The following VWA3B variants were observed in gnomAD, a reference collection of about 807,000 sequenced individuals.
VWA3B encodes the protein von Willebrand factor A domain containing 3B.
Under a neutral mutation model 158.3 loss-of-function variants are expected in VWA3B, and 138 were observed. The ratio of observed to expected loss-of-function variants is 0.87; its 90% CI spans 0.76 to 1.00. The LOEUF (loss-of-function observed/expected upper bound fraction) is 1.00. VWA3B is among the 50% of genes least tolerant of loss of function. VWA3B has a pLI of 0.00. For missense variants in VWA3B, 1,555 were observed against 1,565.1 expected (o/e 0.99, Z 0.11); for synonymous variants, 596 against 587.3 (o/e 1.01, Z -0.21).
chr2:98,165,496 C>T (rs1044176934), intron 8 of VWA3B, among the ~76,000 whole-genome samples: 3 of 152,118 alleles, frequency 2.0e-5, no homozygotes, highest in African/African-American at 7.2e-5. Flanking sequence ...AATTTTGGAA[C>T]CACTGCCAGG....
chr2:98,122,309 A>G (rs1385393831), intron 5 of VWA3B, among the ~76,000 whole-genome samples: 2 of 152,190 alleles, frequency 1.3e-5, no homozygotes, highest in Non-Finnish European at 2.9e-5. Flanking sequence ...CCACTCTGGA[A>G]GTCTGGGGTT....
chr2:98,183,758 G>T (rs992555925), intron 9 of VWA3B, among the ~76,000 whole-genome samples: 7 of 152,182 alleles, frequency 4.6e-5, no homozygotes, highest in African/African-American at 1.7e-4. Context: ...TATAAATGCT[G>T]CTTCTAGTAG....
intron 20 of VWA3B, among the ~76,000 whole-genome samples, chr2:98,255,461 CT>C (rs1687075269): frequency 6.6e-6 from 1 of 151,870 alleles, no homozygotes; most frequent in South Asian, 2.1e-4. Context: ...GCTGGGAACT[CT>C]GAAGAAGCAA....
intron 21 of VWA3B, among the ~76,000 whole-genome samples, chr2:98,264,368 C>T (rs1460211330): frequency 6.6e-6 from 1 of 152,036 alleles, no homozygotes; most frequent in African/African-American, 2.4e-5. Context: ...CTATAAACTT[C>T]CTTCTCAGTA....
chr2:98,299,948 G>GA (rs1266402508), intron 24 of VWA3B, 131 bp from the exon 25 acceptor site: 84 of 1,256,714 alleles, frequency 6.7e-5, no homozygotes, highest in Admixed American at 2.7e-4. Context: ...TCTTAACTGA[G>GA]AAAAAAAATA....
rs748046564 is a variant in VWA3B, at chr2:98,230,163, G to C, written c.2264G>C (p.Gly755Ala). Residue 755 changes from glycine to alanine, a missense_variant, in exon 16 of 28, where the codon GGC becomes GCC. Coordinates refer to ENST00000477737, the MANE Select transcript of VWA3B (RefSeq NM_144992.5). ...SSLNMLKGPW[G>A]LSDQKVQKKK... ...CTGAATATGTTGAAGGGACCATGGG[G>C]CCTTTCAGATCAAAAGGTTCAGAAA... 1.8e-5 allele frequency: 28 copies of C among 1,599,906 alleles called. No individual in the cohort carries two copies. Among genetic ancestry groups the C allele is most frequent in the Non-Finnish European group, 2.4e-5 (28 of 1,176,322 alleles).
intron 22 of VWA3B, among the ~76,000 whole-genome samples, chr2:98,278,999 G>A (rs966273887): frequency 2.4e-4 from 37 of 152,198 alleles, no homozygotes; most frequent in African/African-American, 8.2e-4. Context: ...CAGCACTGCA[G>A]TGATGGTTTA....
At position 98,303,421 on chromosome 2, in the gene VWA3B, G is replaced by GGTGTGTGT. The variant is rs58157632; in HGVS notation, c.3421-252_3421-245dup. Among the ~76,000 whole-genome samples the GGTGTGTGT allele has an allele frequency of 5.5e-3, 800 of 146,648 alleles. 7 individuals are homozygous for GGTGTGTGT. The highest frequency in any genetic ancestry group is 0.013 in the African/African-American group (518 of 39,558). ...ATAGAAAGGAAGGTGGTTATGTGAA[G>GGTGTGTGT]GTGTGTGTGTGTGTGTGTGTGTGTG... On this transcript the variant is annotated intron_variant, in intron 25 of 27. Coordinates refer to ENST00000477737, the MANE Select transcript of VWA3B (RefSeq NM_144992.5).
At chr2:98,147,730 T>C (rs1677280228) in intron 7 of VWA3B, among the ~76,000 whole-genome samples, 1 of 152,170 alleles carries the variant, frequency 6.6e-6, no homozygotes, top group Non-Finnish European at 1.5e-5. Flanking sequence ...CTTTAAGTTC[T>C]AGGGTACATG....
chr2:98,119,344 T>G (rs1366771056), intron 3 of VWA3B, among the ~76,000 whole-genome samples, 169 bp from the exon 4 acceptor site: 1 of 152,064 alleles, frequency 6.6e-6, no homozygotes, highest in African/African-American at 2.4e-5. Context: ...CTGTGGAGAA[T>G]CCAAGCGTTT....
intron 19 of VWA3B, among the ~76,000 whole-genome samples, chr2:98,242,074 C>T (rs1686106786): frequency 6.6e-6 from 1 of 152,188 alleles, no homozygotes; most frequent in South Asian, 2.1e-4. Flanking sequence ...AAAGGAAACA[C>T]ACTAGAGTCT....
intron 2 of VWA3B, among the ~76,000 whole-genome samples, chr2:98,105,978 C>CA (rs1673616393): frequency 6.6e-6 from 1 of 151,920 alleles, no homozygotes. Context: ...TGCAGTGGTG[C>CA]AATTTCAGCT....
At chr2:98,238,782 A>T (rs1483892019) in intron 19 of VWA3B, among the ~76,000 whole-genome samples, 1 of 152,222 alleles carries the variant, frequency 6.6e-6, no homozygotes, top group Non-Finnish European at 1.5e-5. Context: ...TGTGTGTATC[A>T]GTATAAAGCA....
chr2:98,304,671 T>C (rs1196689385), intron 26 of VWA3B, among the ~76,000 whole-genome samples: 1 of 152,088 alleles, frequency 6.6e-6, no homozygotes, highest in Admixed American at 6.5e-5. Context: ...GGCTGATCTG[T>C]CCATTGGGCT....
chr2:98,140,880 G>C (rs922728193), intron 7 of VWA3B, among the ~76,000 whole-genome samples: 2 of 152,172 alleles, frequency 1.3e-5, no homozygotes. Context: ...CCCTTTCCAA[G>C]ACTGGGCAGC....
At chr2:98,162,269 C>T (rs1678673970) in intron 7 of VWA3B, among the ~76,000 whole-genome samples, 1 of 150,522 alleles carries the variant, frequency 6.6e-6, no homozygotes, top group South Asian at 2.1e-4. Context: ...GCATGAACTT[C>T]GATTGATTGA....
Position 98,258,082 on chromosome 2 carries a change from C to G in VWA3B, c.2843+1908C>G, listed in dbSNP as rs78779419. Among the ~76,000 whole-genome samples, 61 of 151,886 alleles carry G rather than the reference C, an allele frequency of 4.0e-4. 2 individuals carry two copies. The East Asian group carries it at 5.6e-3, about 14-fold the overall frequency. The stretch of plus-strand genomic sequence containing the variant: ...CTTCATTCTTTTTCATGTAAATATC[C>G]AGTTTATCCAGCACTATTTGTTTAA... On this transcript the variant is annotated intron_variant, in intron 21 of 27. Coordinates refer to ENST00000477737, the MANE Select transcript of VWA3B (RefSeq NM_144992.5).
chr2:98,329,308 A>G, the VWA3B span, among the ~76,000 whole-genome samples: 2 of 152,234 alleles, frequency 1.3e-5, no homozygotes, highest in Non-Finnish European at 2.9e-5. Context: ...TACAAAAATC[A>G]CTAAACATAA....
intron 6 of VWA3B, among the ~76,000 whole-genome samples, chr2:98,132,763 T>C (rs1675977852): frequency 6.6e-6 from 1 of 151,994 alleles, no homozygotes; most frequent in East Asian, 1.9e-4. Flanking sequence ...CCTGCAGGAG[T>C]TGGGAATGAC....
Sources: gnomAD v4.1 joint callset for allele counts (sites outside exome capture counted in the v4.1 genomes callset) on GRCh38, gnomAD v4.1.1 for gene constraint, MANE v1.5 for transcripts, NCBI Gene and HGNC (gene_info 2026-07-23, HGNC 2026-07-21) for gene names.